The following TM9SF3 variants were observed in gnomAD, a reference collection of about 807,000 sequenced individuals.
TM9SF3 encodes SM-11044-binding protein.
A neutral mutation model predicts 78.6 loss-of-function variants in TM9SF3; 14 were observed. The observed-to-expected ratio is 0.18, with a 90% CI of 0.12 to 0.28. TM9SF3 has a LOEUF of 0.28. TM9SF3 is among the 10% of genes least tolerant of loss of function. The probability of loss-of-function intolerance (pLI) is 1.00; values close to 1 mark genes in which losing one functional copy is unlikely to be tolerated. For synonymous variants in TM9SF3, 231 were observed against 241.7 expected, an observed-to-expected ratio of 0.96 and a Z score of 0.41; for missense variants, 496 against 721.9, an observed-to-expected ratio of 0.69 and a Z score of 3.59.
chr10:96,563,248 T>A (rs1251296107), intron 3 of TM9SF3, among the ~76,000 whole-genome samples: 7 of 152,174 alleles, frequency 4.6e-5, no homozygotes, highest in Non-Finnish European at 1.0e-4. Context: ...GGTAAATGTT[T>A]TATTTTTTTG....
At chr10:96,522,367 A>AT in intron 14 of TM9SF3, 37 bp from the exon 15 acceptor site, 1 of 1,498,884 alleles carries the variant, frequency 6.7e-7, no homozygotes. Flanking sequence ...AAACAAATAC[A>AT]TACAGAGCAG....
chr10:96,530,185 C>T (rs1256445209), intron 11 of TM9SF3, among the ~76,000 whole-genome samples: 3 of 152,098 alleles, frequency 2.0e-5, no homozygotes, highest in African/African-American at 7.2e-5. Context: ...ATTGGTTTAC[C>T]TAGTTCCCTA....
chr10:96,579,723 C>CT (rs11417417), intron 1 of TM9SF3, among the ~76,000 whole-genome samples: 31,019 of 152,006 alleles, frequency 0.2, 3,638 homozygotes, highest in Admixed American at 0.29. Flanking sequence ...AAAAATAATG[C>CT]TTTTTTCTTT....
At chr10:96,555,342 T>C (rs1179997473) in intron 5 of TM9SF3, among the ~76,000 whole-genome samples, 1 of 152,216 alleles carries the variant, frequency 6.6e-6, no homozygotes. Flanking sequence ...TCTTCTCACA[T>C]AGATCTACTT....
chr10:96,562,007 G>C lies in TM9SF3; in HGVS notation c.553C>G (p.Pro185Ala). The change falls in exon 4 of 15, where the codon CCA becomes GCA. Residue 185 changes from proline to alanine, a missense_variant. This residue lies in a region of TM9SF3 where 155 missense variants were observed against 241.6 expected (regional missense o/e 0.64). Transcript: ENST00000371142. ...TATGACATCTGGATTTTAGTATTTG[G>C]AACCAGTTTCACCTTTCCTTCACTA... ...LTSEGKVKLV[P>A]NTKIQMSYSV... 1.9e-6 allele frequency: 3 copies of C among 1,611,732 alleles called. No homozygotes were observed. The highest frequency in any genetic ancestry group is 2.7e-5 in the African/African-American group (2 of 74,772).
intron 6 of TM9SF3, among the ~76,000 whole-genome samples, chr10:96,551,799 G>C (rs902175565): frequency 5.9e-5 from 9 of 152,186 alleles, no homozygotes; most frequent in Admixed American, 2.6e-4. Flanking sequence ...AAATGAAAGA[G>C]AAGAGTATCA....
intron 9 of TM9SF3, among the ~76,000 whole-genome samples, chr10:96,534,601 G>A (rs1278208595): frequency 6.6e-6 from 1 of 152,056 alleles, no homozygotes; most frequent in Non-Finnish European, 1.5e-5. Flanking sequence ...AAGAATTACA[G>A]AGAAAATGAA....
At chr10:96,568,134 T>C (rs1848399614) in intron 2 of TM9SF3, among the ~76,000 whole-genome samples, 1 of 152,200 alleles carries the variant, frequency 6.6e-6, no homozygotes, top group African/African-American at 2.4e-5. Context: ...TCCAGGCAGG[T>C]AGACAAATAC....
At chr10:96,586,449 C>G (rs1307069219) in intron 1 of TM9SF3, among the ~76,000 whole-genome samples, 3 of 152,220 alleles carry the variant, frequency 2.0e-5, no homozygotes. Flanking sequence ...TCCTTCCTGG[C>G]CCCAGGGTCC....
intron 4 of TM9SF3, among the ~76,000 whole-genome samples, chr10:96,561,586 A>G (rs1238511104): frequency 1.3e-5 from 2 of 152,232 alleles, no homozygotes; most frequent in African/African-American, 4.8e-5. Flanking sequence ...ATGATAAACT[A>G]CATCTATCCA....
At chr10:96,545,017 A>C (rs1001951894) in intron 8 of TM9SF3, among the ~76,000 whole-genome samples, 5 of 152,208 alleles carry the variant, frequency 3.3e-5, no homozygotes, top group Non-Finnish European at 7.3e-5. Context: ...TATAAGTTTT[A>C]CTATTTCTCT....
At chr10:96,564,019 T>C (rs1848341633) in intron 3 of TM9SF3, among the ~76,000 whole-genome samples, 1 of 151,782 alleles carries the variant, frequency 6.6e-6, no homozygotes, top group African/African-American at 2.4e-5. Flanking sequence ...TGATGGCTTA[T>C]CCCTATATAA....
At chr10:96,536,824 T>C (rs555846980) in intron 9 of TM9SF3, among the ~76,000 whole-genome samples, 14 of 152,314 alleles carry the variant, frequency 9.2e-5, no homozygotes, top group Admixed American at 7.2e-4. Flanking sequence ...CTCACTATAT[T>C]ATCCAGGCTG....
At chr10:96,542,590 A>T (rs1848047589) in intron 9 of TM9SF3, among the ~76,000 whole-genome samples, 1 of 152,206 alleles carries the variant, frequency 6.6e-6, no homozygotes, top group Admixed American at 6.5e-5. Context: ...TCTGAGAAAA[A>T]TTTTAACAGA....
chr10:96,554,879 A>G (rs1011326799), intron 5 of TM9SF3, among the ~76,000 whole-genome samples: 1 of 152,140 alleles, frequency 6.6e-6, no homozygotes, highest in African/African-American at 2.4e-5. Flanking sequence ...AAATTTTACA[A>G]TTATCTCTGG....
In TM9SF3 at chr10:96,559,717, T is replaced by C; in HGVS notation, c.602A>G (p.Asp201Gly). The C allele has an allele frequency of 1.9e-6, 3 of 1,583,466 alleles. No homozygotes were observed. The highest frequency in any genetic ancestry group is 2.6e-6 in the Non-Finnish European group (3 of 1,162,154). ...MSYSVKWKKSDVKFEDRFDKY... is the reference protein window; with the variant it reads ...MSYSVKWKKSGVKFEDRFDKY... ...GTCAAATCGATCTTCAAATTTCACA[T>C]CTGACTTTTTCCATTTTACCTAAAA... The change falls in exon 5 of 15, where the codon GAT (aspartate) becomes GGT (glycine). Residue 201 changes from aspartate to glycine, a missense_variant. By Grantham distance (94) the Asp-to-Gly change is moderately conservative (BLOSUM62 -1). Coordinates refer to ENST00000371142, the MANE Select transcript of TM9SF3 (RefSeq NM_020123.4).
intron 9 of TM9SF3, among the ~76,000 whole-genome samples, chr10:96,536,680 C>A (rs994403257): frequency 6.6e-6 from 1 of 152,126 alleles, no homozygotes; most frequent in African/African-American, 2.4e-5. Context: ...CCCTGAGACA[C>A]CCCTCCTTCT....
chr10:96,559,570 A>G, intron 5 of TM9SF3, 89 bp downstream of exon 5: 1 of 937,124 alleles, frequency 1.1e-6, no homozygotes, highest in Non-Finnish European at 1.6e-6. Context: ...ACAGTCCTCA[A>G]CACAGTGCCC....
At position 96,520,565 on chromosome 10, in the gene TM9SF3, G is replaced by A; in HGVS notation, c.*1698C>T. On this transcript the variant is annotated 3_prime_UTR_variant, in exon 15 of 15. Transcript: ENST00000371142. ...GTCTTTCTAAAAATAACAATATAAA[G>A]TATTGTTTTAGGTGGTCATTTGCAT... The A allele has an allele frequency of 3.7e-6, 1 of 269,478 alleles. No homozygotes were observed. Among genetic ancestry groups the A allele is most frequent in the East Asian group, 6.2e-5 (1 of 16,042 alleles). The allele number at this position is 269,478 out of a possible 1,614,324, so 16.7% of individuals were successfully genotyped here. A position where few individuals can be genotyped will look rare whatever the true frequency, so the allele number is the denominator to read the frequency against.
Sources: gnomAD v4.1 joint callset for allele counts (sites outside exome capture counted in the v4.1 genomes callset) on GRCh38, gnomAD v4.1.1 for gene constraint, gnomAD v4.1.1 regional missense constraint, MANE v1.5 for transcripts, NCBI Gene and HGNC (gene_info 2026-07-23, HGNC 2026-07-21) for gene names.